ABCA13: variants seen among roughly 807,000 people sequenced by gnomAD.
The protein encoded by ABCA13 is ATP-binding cassette sub-family A member 13.
ABCA13 carries 476 observed loss-of-function variants against 478.7 expected under a neutral mutation model. The ratio of observed to expected loss-of-function variants is 0.99; its 90% CI spans 0.92 to 1.07. ABCA13 has a LOEUF of 1.07. ABCA13 is among the 50% of genes least tolerant of loss of function. ABCA13 has a pLI of 0.00. For synonymous variants in ABCA13, 2,252 were observed against 2,158.9 expected (o/e 1.04, Z -1.20); for missense variants, 6,060 against 5,910.6 (o/e 1.03, Z -0.83).
chr7:48,279,092 A>T lies in ABCA13; in HGVS notation c.7898A>T (p.Asp2633Val), dbSNP rs367673869. 28 of 1,612,100 alleles carry T rather than the reference A, an allele frequency of 1.7e-5. No homozygotes were observed. The African/African-American group carries it at 3.2e-4, about 18-fold the overall frequency. Residue 2633 changes from aspartate to valine, a missense_variant, in exon 18 of 62, where the codon GAT becomes GTT. Physicochemically the swap from Asp to Val is radical, Grantham distance 152 (BLOSUM62 -3). Around this residue, in one of 3 missense-constraint regions of ABCA13, gnomAD observed 4,423 missense variants for 4,309.1 expected, o/e 1.03. Coordinates refer to ENST00000435803, the MANE Select transcript of ABCA13 (RefSeq NM_152701.5). ...SYMNQSKDFSDILEEIAEFLT... is the reference protein window; with the variant it reads ...SYMNQSKDFSVILEEIAEFLT... Reference sequence around the variant, plus strand: ...ATGAACCAATCTAAGGACTTTTCTGATATTTTGGAAGAAATTGCTGAATTT... The same window carrying T: ...ATGAACCAATCTAAGGACTTTTCTGTTATTTTGGAAGAAATTGCTGAATTT...
intron 39 of ABCA13, among the ~76,000 whole-genome samples, chr7:48,408,768 G>A (rs914493971): frequency 6.6e-6 from 1 of 152,104 alleles, no homozygotes; most frequent in African/African-American, 2.4e-5. Context: ...TTAGGGGTTT[G>A]TTGTACAGAT....
At position 48,274,322 on chromosome 7, in the gene ABCA13, G is replaced by A; in HGVS notation, c.4656G>A (p.Lys1552=). 4 of 1,613,380 alleles carry A rather than the reference G, an allele frequency of 2.5e-6. No individual in the cohort carries two copies. The highest frequency in any genetic ancestry group is 3.4e-6 in the Non-Finnish European group (4 of 1,179,676). ...GGCTTCATTTAATAACACTGGGGAA[G>A]GAATTTCAGAAGCTTGTAAAAGGTA... ...NIWLHLITLG[K]EFQKLVKGIY... Residue 1552 remains lysine, a synonymous_variant, in exon 17 of 62, where the codon AAG becomes AAA. Coordinates refer to ENST00000435803, the MANE Select transcript of ABCA13 (RefSeq NM_152701.5).
chr7:48,490,529 A>G (rs1438055114), intron 48 of ABCA13, among the ~76,000 whole-genome samples: 1 of 152,218 alleles, frequency 6.6e-6, no homozygotes, highest in Non-Finnish European at 1.5e-5. Flanking sequence ...TCTGGTGGGC[A>G]TGAATACAGC....
intron 48 of ABCA13, among the ~76,000 whole-genome samples, chr7:48,498,571 A>G (rs1165790968): frequency 1.3e-5 from 2 of 152,122 alleles, no homozygotes; most frequent in East Asian, 1.9e-4. Flanking sequence ...TAGGAGGACT[A>G]TCTCTGACAT....
intron 58 of ABCA13, among the ~76,000 whole-genome samples, chr7:48,601,850 G>A (rs979229718): frequency 6.6e-6 from 1 of 152,208 alleles, no homozygotes; most frequent in Admixed American, 6.5e-5. Flanking sequence ...CAGTGCAAAA[G>A]TGTTCCTATT....
intron 37 of ABCA13, 149 bp from the exon 38 acceptor site, chr7:48,391,772 A>C (rs976928445): frequency 2.6e-5 from 18 of 682,424 alleles, no homozygotes; most frequent in Middle Eastern, 5.8e-4. Flanking sequence ...CAAACTACTC[A>C]CACCTTTTAA....
intron 3 of ABCA13, among the ~76,000 whole-genome samples, chr7:48,200,697 A>G (rs1798560398): frequency 6.6e-6 from 1 of 152,200 alleles, no homozygotes; most frequent in Non-Finnish European, 1.5e-5. Context: ...AGGAGACAAG[A>G]AAGAGTGAAG....
At chr7:48,363,668 A>G (rs1811230395) in intron 31 of ABCA13, among the ~76,000 whole-genome samples, 1 of 151,866 alleles carries the variant, frequency 6.6e-6, no homozygotes. Context: ...TATTTTCTAC[A>G]TCCCTTACTG....
chr7:48,275,685 C>T lies in ABCA13; in HGVS notation c.6019C>T (p.Gln2007Ter), dbSNP rs748884417. The change falls in exon 17 of 62, where the codon CAA becomes TAA. Residue 2007 changes from glutamine to a stop codon, truncating the protein, a stop_gained. Coordinates refer to ENST00000435803, the MANE Select transcript of ABCA13 (RefSeq NM_152701.5). LOFTEE classifies it high-confidence loss of function. ...TTCCTCAAATTTGGAAAGGACAGTACAATTGATTTCTGAAGACTGGAGCCT... is the reference window on the plus strand; with the variant it reads ...TTCCTCAAATTTGGAAAGGACAGTATAATTGATTTCTGAAGACTGGAGCCT... ...IISSNLERTV[Q>*]LISEDWSLEK... 14 of 1,599,090 alleles carry T rather than the reference C, an allele frequency of 8.8e-6. No individual in the cohort carries two copies. Among genetic ancestry groups the T allele is most frequent in the Non-Finnish European group, 1.7e-6 (2 of 1,171,900 alleles).
At chr7:48,220,914 A>G (rs1351348051) in intron 4 of ABCA13, among the ~76,000 whole-genome samples, 2 of 151,864 alleles carry the variant, frequency 1.3e-5, no homozygotes, top group African/African-American at 2.4e-5. Context: ...TTTCTCTTCA[A>G]GTTTTTCCTT....
chr7:48,186,028 T>A (rs1457079071), intron 1 of ABCA13, among the ~76,000 whole-genome samples: 1 of 152,010 alleles, frequency 6.6e-6, no homozygotes, highest in East Asian at 1.9e-4. Flanking sequence ...TTAACATAAC[T>A]AATTTGTTTA....
At chr7:48,236,217 T>C (rs1184383446) in intron 8 of ABCA13, among the ~76,000 whole-genome samples, 1 of 152,172 alleles carries the variant, frequency 6.6e-6, no homozygotes, top group Non-Finnish European at 1.5e-5. Context: ...GGAGGAAATA[T>C]ATGGTGAATG....
At chr7:48,584,662 TG>T (rs1157067126) in intron 56 of ABCA13, among the ~76,000 whole-genome samples, 1 of 152,176 alleles carries the variant, frequency 6.6e-6, no homozygotes, top group Non-Finnish European at 1.5e-5. Context: ...CTGGAATAAT[TG>T]GGTAAATCAT....
intron 18 of ABCA13, 43 bp downstream of exon 18, chr7:48,279,963 A>G (rs771171540): frequency 6.1e-6 from 9 of 1,480,752 alleles, no homozygotes; most frequent in African/African-American, 5.6e-5. Context: ...TCTCTACCGC[A>G]GTAGCTATAA....
At chr7:48,394,227 C>T (rs978420086) in intron 38 of ABCA13, among the ~76,000 whole-genome samples, 1 of 152,106 alleles carries the variant, frequency 6.6e-6, no homozygotes, top group African/African-American at 2.4e-5. Context: ...ATTATGAGTG[C>T]CCCCTTCCAC....
chr7:48,419,061 G>A (rs12718264), intron 41 of ABCA13, among the ~76,000 whole-genome samples: 4,872 of 152,188 alleles, frequency 0.032, 118 homozygotes, highest in South Asian at 0.091. Flanking sequence ...GTGGGGAGGT[G>A]TCACACACTT....
intron 27 of ABCA13, among the ~76,000 whole-genome samples, chr7:48,329,951 T>G (rs1194067431): frequency 6.8e-6 from 1 of 148,114 alleles, no homozygotes; most frequent in Admixed American, 6.7e-5. Flanking sequence ...CCATCTAGCC[T>G]TCTATCCATC....
At chr7:48,397,943 T>C (rs1334247649) in intron 38 of ABCA13, among the ~76,000 whole-genome samples, 2 of 152,222 alleles carry the variant, frequency 1.3e-5, no homozygotes, top group Non-Finnish European at 2.9e-5. Flanking sequence ...TCATAATCTC[T>C]ACTGGAGGGC....
In ABCA13 at chr7:48,427,784, C is replaced by A; in HGVS notation, c.12478C>A (p.Gln4160Lys). 3.7e-6 allele frequency: 6 copies of A among 1,611,234 alleles called. No individual in the cohort carries two copies. Among genetic ancestry groups the A allele is most frequent in the Non-Finnish European group, 5.1e-6 (6 of 1,178,342 alleles). ...CCGAAAGGTGTTTTTGATGCTTTTG[C>A]AAGATTCCAACAAGAAATCTCACAT... ...TLEEVFLMLLQDSNKKSHIAL... is the reference protein window; with the variant it reads ...TLEEVFLMLLKDSNKKSHIAL... The change falls in exon 42 of 62, where the codon CAA (glutamine) becomes AAA (lysine). Residue 4160 changes from glutamine (Q) to lysine (K), a missense_variant. By Grantham distance (53) the Gln-to-Lys change is moderately conservative. Transcript: ENST00000435803.
Sources: gnomAD v4.1 joint callset for allele counts (sites outside exome capture counted in the v4.1 genomes callset) on GRCh38, gnomAD v4.1.1 for gene constraint, gnomAD v4.1.1 regional missense constraint, MANE v1.5 for transcripts, NCBI Gene and HGNC (gene_info 2026-07-23, HGNC 2026-07-21) for gene names.